Variants in PIEZO2 observed in about 807,000 individuals in gnomAD.
PIEZO2 encodes piezo-type mechanosensitive ion channel component 2.
PIEZO2 carries 172 observed loss-of-function variants against 337.3 expected under a neutral mutation model. The ratio of observed to expected loss-of-function variants is 0.51; its 90% CI spans 0.45 to 0.58. The LOEUF (loss-of-function observed/expected upper bound fraction) is 0.58, where lower values mean the gene tolerates loss of function less well. Among genes scored for constraint, PIEZO2 ranks in the 20% least tolerant of loss-of-function variants. The pLI, the probability that PIEZO2 is intolerant of heterozygous loss-of-function variation, is 0.00. For missense variants in PIEZO2, 3,028 were observed against 3,391.3 expected, an observed-to-expected ratio of 0.89 and a Z score of 2.66; for synonymous variants, 1,251 against 1,228.5, an observed-to-expected ratio of 1.02 and a Z score of -0.38.
intron 1 of PIEZO2, among the ~76,000 whole-genome samples, chr18:11,074,472 T>A (rs2038459998): frequency 6.6e-6 from 1 of 152,192 alleles, no homozygotes; most frequent in Non-Finnish European, 1.5e-5. Context: ...TGACAGTAAT[T>A]CCCCAAACAA....
chr18:11,067,985 G>C (rs773408537), intron 1 of PIEZO2, among the ~76,000 whole-genome samples: 1 of 152,160 alleles, frequency 6.6e-6, no homozygotes, highest in African/African-American at 2.4e-5. Context: ...GCAGTGGCAC[G>C]ATCTCAGCTC....
At chr18:11,137,504 A>G (rs1338414314) in intron 1 of PIEZO2, among the ~76,000 whole-genome samples, 1 of 152,248 alleles carries the variant, frequency 6.6e-6, no homozygotes, top group African/African-American at 2.4e-5. Context: ...GAGTTTCTGT[A>G]ACTTGGCAAA....
intron 43 of PIEZO2, among the ~76,000 whole-genome samples, chr18:10,699,469 T>G (rs1208184125): frequency 7.9e-5 from 12 of 152,120 alleles, no homozygotes; most frequent in Non-Finnish European, 1.5e-4. Context: ...AACAAAGCAC[T>G]CCTCTCTTTG....
chr18:10,712,947 G>A (rs1312817937), intron 39 of PIEZO2, among the ~76,000 whole-genome samples: 2 of 151,872 alleles, frequency 1.3e-5, no homozygotes, highest in Non-Finnish European at 2.9e-5. Flanking sequence ...CTGTGTCTTT[G>A]GAACTCATAA....
Position 10,726,837 on chromosome 18 carries a change from C to A in PIEZO2, c.5029+4570G>T. 1 of 1,582,492 alleles carries A rather than the reference C, an allele frequency of 6.3e-7. No homozygotes were observed. The highest frequency in any genetic ancestry group is 8.7e-7 in the Non-Finnish European group (1 of 1,154,626). ...GGGTGCTGGATAATACCCGGATGCC[C>A]CACCTTATGCAGGACTTGGCACGCT... is the stretch of plus-strand genomic sequence containing the variant. On this transcript the variant is annotated intron_variant, in intron 36 of 55. Coordinates refer to ENST00000674853, the MANE Select transcript of PIEZO2 (RefSeq NM_001378183.1). The surrounding 1 kb of genome is among the most constrained non-coding windows in gnomAD (Gnocchi z 5.9).
chr18:10,712,680 T>A (rs1207742924), intron 39 of PIEZO2, among the ~76,000 whole-genome samples: 1 of 152,224 alleles, frequency 6.6e-6, no homozygotes, highest in Non-Finnish European at 1.5e-5. Context: ...TATTAAATGT[T>A]CTCTTTGTAA....
Position 10,672,990 on chromosome 18 carries a change from A to G in PIEZO2, c.8162-117T>C. 1 of 801,226 alleles carries G rather than the reference A, an allele frequency of 1.2e-6. No individual in the cohort carries two copies. Among genetic ancestry groups the G allele is most frequent in the African/African-American group, 1.7e-5 (1 of 57,406 alleles). The allele number at this position is 801,226 out of a possible 1,614,324, so 49.6% of individuals were successfully genotyped here. The stretch of plus-strand genomic sequence containing the variant: ...AACTATAGCATAAGGTTCTAGGATG[A>G]AAAGGATGCATGGACATACTAGAAG... On this transcript the variant is annotated intron_variant, in intron 54 of 55. Coordinates refer to ENST00000674853, the MANE Select transcript of PIEZO2 (RefSeq NM_001378183.1). The surrounding 1 kb of genome is among the most constrained non-coding windows in gnomAD (Gnocchi z 4.7).
At chr18:10,780,101 G>A (rs1304192056) in intron 18 of PIEZO2, among the ~76,000 whole-genome samples, 1 of 152,112 alleles carries the variant, frequency 6.6e-6, no homozygotes, top group Non-Finnish European at 1.5e-5. Flanking sequence ...AAGGCCAAAG[G>A]CTGAGCACCA....
intron 35 of PIEZO2, among the ~76,000 whole-genome samples, chr18:10,732,061 G>A (rs1277331972): frequency 6.6e-6 from 1 of 152,172 alleles, no homozygotes; most frequent in African/African-American, 2.4e-5. Flanking sequence ...GTGATATTAA[G>A]GTTAAGGAGT....
In PIEZO2 at chr18:10,677,531, G is replaced by A; in HGVS notation, c.8081+216C>T. The stretch of plus-strand genomic sequence containing the variant: ...CCATGCCTGGCCCAAACCCTCATTT[G>A]GAACATAGACATAACCCTGGGGACA... On this transcript the variant is annotated intron_variant, in intron 53 of 55. Transcript: ENST00000674853. This position sits in a 1 kb window ranked among gnomAD's most constrained non-coding sequence, Gnocchi z 4.1. 2.2e-6 allele frequency: 1 copy of A among 461,580 alleles called. No homozygotes were observed. Among genetic ancestry groups the A allele is most frequent in the Non-Finnish European group, 3.7e-6 (1 of 269,910 alleles). The allele number at this position is 461,580 out of a possible 1,614,324, so 28.6% of individuals were successfully genotyped here.
At chr18:11,073,494 C>T (rs897089337) in intron 1 of PIEZO2, among the ~76,000 whole-genome samples, 6 of 152,172 alleles carry the variant, frequency 3.9e-5, no homozygotes, top group African/African-American at 7.2e-5. Context: ...AAAAGCCACC[C>T]GAGTCAGCTT....
chr18:10,694,061 G>A (rs2034978501), intron 47 of PIEZO2, among the ~76,000 whole-genome samples: 1 of 151,950 alleles, frequency 6.6e-6, no homozygotes, highest in Non-Finnish European at 1.5e-5. Flanking sequence ...TGTCTCTTCT[G>A]GGTAACAATC....
At chr18:10,913,346 A>C (rs1031440557) in intron 3 of PIEZO2, among the ~76,000 whole-genome samples, 1 of 152,124 alleles carries the variant, frequency 6.6e-6, no homozygotes, top group African/African-American at 2.4e-5. Flanking sequence ...TCTCCTACCA[A>C]AATGAGAACC....
rs931290744 is a variant in PIEZO2, at chr18:10,789,084, A to G, written c.2164T>C (p.Tyr722His). 6.5e-7 allele frequency: 1 copy of G among 1,536,494 alleles called. No individual in the cohort carries two copies. The highest frequency in any genetic ancestry group is 1.4e-5 in the African/African-American group (1 of 73,044). ...ATGGTCAACTGTGTACCTACCTGGT[A>G]TAGGGCCACACAGAACAGGAACAGC... is the stretch of plus-strand genomic sequence containing the variant. ...MVLFLFCVAL[Y>H]QVHYEWWRKI... is the part of the protein sequence containing the mutation. The change falls in exon 15 of 56, where the codon TAC becomes CAC. Residue 722 changes from tyrosine to histidine, a missense_variant. By Grantham distance (83) the Tyr-to-His change is moderately conservative. This residue lies in a region of PIEZO2 where 1,925 missense variants were observed against 2,051.9 expected (regional missense o/e 0.94). Coordinates refer to ENST00000674853, the MANE Select transcript of PIEZO2 (RefSeq NM_001378183.1).
intron 27 of PIEZO2, among the ~76,000 whole-genome samples, chr18:10,757,542 T>C (rs901985889): frequency 8.6e-6 from 1 of 115,626 alleles, no homozygotes; most frequent in African/African-American, 3.8e-5. Flanking sequence ...GAGGATGAGC[T>C]ATGGGGATGA....
chr18:10,675,389 A>G (rs2033953012), intron 53 of PIEZO2, 101 bp from the exon 54 acceptor site: 2 of 657,056 alleles, frequency 3.0e-6, no homozygotes, highest in Non-Finnish European at 5.0e-6. Flanking sequence ...ACCAAATAAT[A>G]GTGAAAGTTT....
Position 11,148,750 on chromosome 18 carries a change from A to G in PIEZO2, c.-162T>C, listed in dbSNP as rs2040875094. The G allele has an allele frequency of 2.9e-6, 2 of 698,466 alleles. No individual in the cohort carries two copies. Among genetic ancestry groups the G allele is most frequent in the Non-Finnish European group, 4.7e-6 (2 of 429,316 alleles). 43.3% of individuals were successfully genotyped at this position (698,466 alleles called of 1,614,324 possible). On this transcript the variant is annotated 5_prime_UTR_variant, in exon 1 of 56. Transcript: ENST00000674853. This position sits in a 1 kb window ranked among gnomAD's most constrained non-coding sequence, Gnocchi z 5.2. The stretch of plus-strand genomic sequence containing the variant: ...CCGCGACGCTCTCCGCCCCGAGGGC[A>G]CGCTCCCGGGGCTCTTGGCCGCCCC...
At chr18:10,712,867 G>T (rs1448699537) in intron 39 of PIEZO2, among the ~76,000 whole-genome samples, 4 of 152,162 alleles carry the variant, frequency 2.6e-5, no homozygotes, top group Non-Finnish European at 5.9e-5. Context: ...GTTTGACCTT[G>T]AAATCATAAC....
Position 10,767,538 on chromosome 18 carries a change from G to A in PIEZO2, c.2946+2610C>T, listed in dbSNP as rs754491778. ...ATGCAGGGAGGAGAACGTCCTCTGC[G>A]CGCAGCCCGAGTGAGGAGCTAATGA... On this transcript the variant is annotated intron_variant, in intron 21 of 55. Transcript: ENST00000674853. This position sits in a 1 kb window ranked among gnomAD's most constrained non-coding sequence, Gnocchi z 4.2. 6.6e-5 allele frequency among the ~76,000 whole-genome samples: 10 copies of A among 152,102 alleles called. No individual in the cohort carries two copies. Among genetic ancestry groups the A allele is most frequent in the East Asian group, 3.9e-4 (2 of 5,180 alleles).
Sources: gnomAD v4.1 joint callset for allele counts (sites outside exome capture counted in the v4.1 genomes callset) on GRCh38, gnomAD v4.1.1 for gene constraint, gnomAD v4.1.1 regional missense constraint, Gnocchi (gnomAD v3.1) non-coding constraint, MANE v1.5 for transcripts, NCBI Gene and HGNC (gene_info 2026-07-23, HGNC 2026-07-21) for gene names.